SGMS1: variants seen among roughly 807,000 people sequenced by gnomAD.
SGMS1 encodes sphingomyelin synthase 1.
In SGMS1, 13 loss-of-function variants were observed where a neutral mutation model predicts 46.2. That is an observed-to-expected ratio of 0.28 (90% confidence interval 0.18 to 0.45). The LOEUF is 0.45. Among genes scored for constraint, SGMS1 ranks in the 20% least tolerant of loss-of-function variants. The pLI, the probability that SGMS1 is intolerant of heterozygous loss-of-function variation, is 1.00. For synonymous variants in SGMS1, 203 were observed against 187.8 expected, an observed-to-expected ratio of 1.08 and a Z score of -0.66; for missense variants, 324 against 519.9, an observed-to-expected ratio of 0.62 and a Z score of 3.66.
At chr10:50,418,293 G>C (rs1457018772) in intron 6 of SGMS1, 1 of 152,254 alleles carries the variant, frequency 6.6e-6, no homozygotes, top group Non-Finnish European at 1.5e-5. Flanking sequence ...GGACAGCGGC[G>C]CTGCGGAGCC....
At chr10:50,578,471 A>G (rs1838404337) in intron 2 of SGMS1, among the ~76,000 whole-genome samples, 1 of 152,204 alleles carries the variant, frequency 6.6e-6, no homozygotes, top group Non-Finnish European at 1.5e-5. Flanking sequence ...TTTTTATCAC[A>G]AGGCCCAATT....
At chr10:50,500,924 G>T (rs1328305387) in intron 3 of SGMS1, among the ~76,000 whole-genome samples, 1 of 152,110 alleles carries the variant, frequency 6.6e-6, no homozygotes, top group Non-Finnish European at 1.5e-5. Flanking sequence ...TAAGGTATAT[G>T]GGCATGTAAT....
chr10:50,381,145 AAAAC>A (rs1053399823), intron 6 of SGMS1, among the ~76,000 whole-genome samples: 4 of 152,032 alleles, frequency 2.6e-5, no homozygotes, highest in African/African-American at 4.8e-5. Context: ...GCTGTTAAAG[AAAAC>A]AAACAAACAA....
intron 6 of SGMS1, among the ~76,000 whole-genome samples, chr10:50,382,894 C>G (rs1204655457): frequency 1.3e-5 from 2 of 152,152 alleles, no homozygotes; most frequent in Non-Finnish European, 2.9e-5. Flanking sequence ...AATGTCTTGG[C>G]AAACAGCAAC....
chr10:50,480,392 A>G (rs7092753), intron 3 of SGMS1, among the ~76,000 whole-genome samples: 53,365 of 151,494 alleles, frequency 0.35, 9,459 homozygotes, highest in Middle Eastern at 0.42. Flanking sequence ...AGCTCCCACC[A>G]AGCAGAATGA....
chr10:50,464,758 T>C (rs1265703858), intron 4 of SGMS1, among the ~76,000 whole-genome samples: 2 of 152,108 alleles, frequency 1.3e-5, no homozygotes, highest in African/African-American at 4.8e-5. Flanking sequence ...CAGTGAGACC[T>C]GCATCAGTCT....
rs187372676 is a variant in SGMS1, at chr10:50,608,170, T to C, written c.-684+15537A>G. 3.9e-5 allele frequency among the ~76,000 whole-genome samples: 6 copies of C among 152,328 alleles called. No individual in the cohort carries two copies. The East Asian group carries it at 7.7e-4, about 20-fold the overall frequency. On this transcript the variant is annotated intron_variant, in intron 1 of 10. Transcript: ENST00000361781. ...TTTGGCAATACTATTCCTTTCAGCATTCCACCTTTCAGCATTTGATCAAAA... is the reference window on the plus strand; with the variant it reads ...TTTGGCAATACTATTCCTTTCAGCACTCCACCTTTCAGCATTTGATCAAAA...
At chr10:50,595,206 C>T (rs529995356) in intron 1 of SGMS1, among the ~76,000 whole-genome samples, 5 of 152,040 alleles carry the variant, frequency 3.3e-5, no homozygotes, top group South Asian at 2.1e-4. Flanking sequence ...GATGGAGTCC[C>T]GCTCTGTTGC....
At chr10:50,311,719 T>C (rs897830161) in intron 8 of SGMS1, among the ~76,000 whole-genome samples, 2 of 152,202 alleles carry the variant, frequency 1.3e-5, no homozygotes, top group African/African-American at 4.8e-5. Flanking sequence ...AGTACTTCTA[T>C]CTGACTGACT....
chr10:50,586,920 T>A (rs930892552), intron 2 of SGMS1, among the ~76,000 whole-genome samples: 1 of 152,222 alleles, frequency 6.6e-6, no homozygotes. Context: ...ATAAATAAAT[T>A]GTTATATTCT....
chr10:50,500,091 C>A (rs1350894891), intron 3 of SGMS1, among the ~76,000 whole-genome samples: 2 of 152,118 alleles, frequency 1.3e-5, no homozygotes, highest in Non-Finnish European at 2.9e-5. Flanking sequence ...TCGCTTGAAC[C>A]CGGGAGGTGG....
In SGMS1 at chr10:50,406,879, G is replaced by T. The variant is rs187817452; in HGVS notation, c.-232+26597C>A. Among the ~76,000 whole-genome samples, 34 of 151,688 alleles carry T rather than the reference G, an allele frequency of 2.2e-4. No individual in the cohort carries two copies. The East Asian group carries it at 4.6e-3, about 21-fold the overall frequency. On this transcript the variant is annotated intron_variant, in intron 6 of 10. Transcript: ENST00000361781. Reference sequence around the variant, plus strand: ...ATCACCACACCTAGGTAATTTTTTTGTTTGTTTGTTTGTTTTTATAGAGAC... The same window carrying T: ...ATCACCACACCTAGGTAATTTTTTTTTTTGTTTGTTTGTTTTTATAGAGAC...
At chr10:50,449,471 T>A (rs971989293) in intron 5 of SGMS1, among the ~76,000 whole-genome samples, 1 of 152,136 alleles carries the variant, frequency 6.6e-6, no homozygotes, top group African/African-American at 2.4e-5. Flanking sequence ...TCCACTTTCC[T>A]GCAAAATAAA....
intron 3 of SGMS1, among the ~76,000 whole-genome samples, chr10:50,473,319 C>T (rs1837394773): frequency 6.6e-6 from 1 of 152,180 alleles, no homozygotes; most frequent in East Asian, 1.9e-4. Context: ...ATTTTTAAAA[C>T]TAAATGCCTT....
intron 6 of SGMS1, among the ~76,000 whole-genome samples, chr10:50,400,310 G>A (rs893928795): frequency 6.7e-6 from 1 of 149,710 alleles, no homozygotes; most frequent in Non-Finnish European, 1.5e-5. Flanking sequence ...TTTTGCCTCT[G>A]CAAATTGAGG....
chr10:50,530,158 T>C (rs1413577682), intron 2 of SGMS1, among the ~76,000 whole-genome samples: 2 of 152,226 alleles, frequency 1.3e-5, no homozygotes, highest in Non-Finnish European at 1.5e-5. Context: ...TTAATTATTT[T>C]AGATGAGCTT....
At chr10:50,496,661 C>T (rs1485302554) in intron 3 of SGMS1, among the ~76,000 whole-genome samples, 1 of 152,186 alleles carries the variant, frequency 6.6e-6, no homozygotes, top group Admixed American at 6.5e-5. Context: ...AACCCTAGGC[C>T]TTCCTATATC....
At chr10:50,527,360 A>G (rs559714911) in intron 2 of SGMS1, among the ~76,000 whole-genome samples, 1 of 152,372 alleles carries the variant, frequency 6.6e-6, no homozygotes, top group South Asian at 2.1e-4. Context: ...TCATGCACAC[A>G]CTTGTAAACA....
chr10:50,391,067 C>G (rs1848758036), intron 6 of SGMS1, among the ~76,000 whole-genome samples: 1 of 152,222 alleles, frequency 6.6e-6, no homozygotes. Flanking sequence ...GCCCGAGCAT[C>G]TCCAAGACCT....
Sources: allele counts gnomAD v4.1 joint callset (sites outside exome capture counted in the v4.1 genomes callset), GRCh38; gene constraint gnomAD v4.1.1; transcripts MANE v1.5; gene names NCBI Gene and HGNC (gene_info 2026-07-23, HGNC 2026-07-21).